The following KCNH8 variants were observed in gnomAD, a reference collection of about 807,000 sequenced individuals.
KCNH8 encodes voltage-gated delayed rectifier potassium channel KCNH8.
A neutral mutation model predicts 103.6 loss-of-function variants in KCNH8; 70 were observed. The ratio of observed to expected loss-of-function variants is 0.68; its 90% CI spans 0.56 to 0.82. The LOEUF (loss-of-function observed/expected upper bound fraction) is 0.82. KCNH8 is among the 40% of genes least tolerant of loss of function. The pLI is 0.00. For synonymous variants in KCNH8, 498 were observed against 489.4 expected (o/e 1.02, Z -0.23); for missense variants, 1,217 against 1,329.9 (o/e 0.92, Z 1.32).
rs138035351 is a variant in KCNH8, at chr3:19,365,831, G to A, written c.811+17866G>A. Reference sequence around the variant, plus strand: ...AGGAATGGGCTGCAATTTTAAATCAGTGGCCACGCAAAGTATAATTGAGAA... The same window carrying A: ...AGGAATGGGCTGCAATTTTAAATCAATGGCCACGCAAAGTATAATTGAGAA... On this transcript the variant is annotated intron_variant, in intron 5 of 15. Transcript: ENST00000328405. 1.1e-4 allele frequency among the ~76,000 whole-genome samples: 17 copies of A among 152,186 alleles called. 1 individual carries two copies. In the East Asian group the frequency reaches 3.3e-3, roughly 29 times the overall value.
intron 5 of KCNH8, among the ~76,000 whole-genome samples, chr3:19,361,040 G>GA (rs2065940422): frequency 1.3e-5 from 2 of 152,016 alleles, no homozygotes; most frequent in African/African-American, 4.8e-5. Flanking sequence ...TATGAAAATA[G>GA]AAAAAATGAG....
chr3:19,383,380 AT>A (rs60188168), intron 5 of KCNH8, among the ~76,000 whole-genome samples: 105 of 146,796 alleles, frequency 7.2e-4, no homozygotes, highest in African/African-American at 1.1e-3. Flanking sequence ...GTGTTCGTTA[AT>A]TTTTTTTTTT....
chr3:19,523,759 C>T lies in KCNH8; in HGVS notation c.2619+5685C>T, dbSNP rs897434726. Among the ~76,000 whole-genome samples the T allele has an allele frequency of 4.0e-5, 6 of 151,868 alleles. No individual in the cohort carries two copies. The East Asian group carries it at 7.7e-4, about 20-fold the overall frequency. The stretch of plus-strand genomic sequence containing the variant: ...AAATAGAAAACTGGATACTGGCAAA[C>T]GCTAATAATATCTACCATAGCACCT... On this transcript the variant is annotated intron_variant, in intron 15 of 15. Coordinates refer to ENST00000328405, the MANE Select transcript of KCNH8 (RefSeq NM_144633.3).
intron 3 of KCNH8, among the ~76,000 whole-genome samples, chr3:19,319,857 T>C (rs1311164928): frequency 6.6e-6 from 1 of 152,078 alleles, no homozygotes; most frequent in Non-Finnish European, 1.5e-5. Flanking sequence ...TTTTGTAGTT[T>C]TTCTTGTAGA....
At position 19,347,224 on chromosome 3, in the gene KCNH8, C is replaced by G. The variant is rs149800980; in HGVS notation, c.571-501C>G. Among the ~76,000 whole-genome samples, 42 of 152,136 alleles carry G rather than the reference C, an allele frequency of 2.8e-4. No individual in the cohort carries two copies. The East Asian group carries it at 7.4e-3, about 27-fold the overall frequency. On this transcript the variant is annotated intron_variant, in intron 4 of 15. Coordinates refer to ENST00000328405, the MANE Select transcript of KCNH8 (RefSeq NM_144633.3). ...GGCTATATTTGGAAAGAAATGTAAA[C>G]TGTTTACAATATAATATTGGTCATA...
intron 5 of KCNH8, among the ~76,000 whole-genome samples, chr3:19,360,294 T>C (rs1044166154): frequency 1.3e-5 from 2 of 151,990 alleles, no homozygotes; most frequent in East Asian, 1.9e-4. Flanking sequence ...CACCGAATAG[T>C]AGAGTATAAA....
At chr3:19,324,508 G>A (rs921698759) in intron 3 of KCNH8, among the ~76,000 whole-genome samples, 1 of 152,118 alleles carries the variant, frequency 6.6e-6, no homozygotes, top group South Asian at 2.1e-4. Flanking sequence ...AACATGTGGG[G>A]ATTATATGAA....
At position 19,257,689 on chromosome 3, in the gene KCNH8, G is replaced by T. The variant is rs138132333; in HGVS notation, c.310+3802G>T. Among the ~76,000 whole-genome samples, 14 of 152,130 alleles carry T rather than the reference G, an allele frequency of 9.2e-5. No individual in the cohort carries two copies. The East Asian group carries it at 1.5e-3, about 17-fold the overall frequency. On this transcript the variant is annotated intron_variant, in intron 2 of 15. Coordinates refer to ENST00000328405, the MANE Select transcript of KCNH8 (RefSeq NM_144633.3). ...TGGAAAGAAAAACGTAGAGAACAAA[G>T]ATTTAAGGTTGTTCTTAGAATAATA...
chr3:19,214,191 T>C (rs1212046442), intron 1 of KCNH8, among the ~76,000 whole-genome samples: 2 of 152,204 alleles, frequency 1.3e-5, no homozygotes, highest in African/African-American at 2.4e-5. Flanking sequence ...TTTCTCTAAG[T>C]TTGCCCTTCC....
intron 7 of KCNH8, among the ~76,000 whole-genome samples, chr3:19,429,306 T>C (rs1021928605): frequency 1.3e-5 from 2 of 151,768 alleles, no homozygotes; most frequent in Non-Finnish European, 2.9e-5. Flanking sequence ...CCGGAGTAGC[T>C]GGGACTACAG....
chr3:19,352,187 C>A lies in KCNH8; in HGVS notation c.811+4222C>A, dbSNP rs185257457. On this transcript the variant is annotated intron_variant, in intron 5 of 15. Coordinates refer to ENST00000328405, the MANE Select transcript of KCNH8 (RefSeq NM_144633.3). ...CAATTCAACAAGAAGAGCTAATTATCCTAAACATATATGCACACAATACAT... is the reference window on the plus strand; with the variant it reads ...CAATTCAACAAGAAGAGCTAATTATACTAAACATATATGCACACAATACAT... Among the ~76,000 whole-genome samples the A allele has an allele frequency of 3.9e-5, 6 of 152,254 alleles. No homozygotes were observed. The East Asian group carries it at 1.2e-3, about 29-fold the overall frequency.
chr3:19,318,004 C>T (rs955714105), intron 3 of KCNH8, among the ~76,000 whole-genome samples: 4 of 151,768 alleles, frequency 2.6e-5, no homozygotes, highest in East Asian at 3.9e-4. Flanking sequence ...AGAAATAAAG[C>T]GTATTCAAAT....
chr3:19,431,887 C>G (rs1413054015), intron 7 of KCNH8, among the ~76,000 whole-genome samples: 1 of 152,008 alleles, frequency 6.6e-6, no homozygotes, highest in East Asian at 1.9e-4. Flanking sequence ...TGAATCTTCT[C>G]TCTTTTCTTC....
chr3:19,339,700 G>A (rs756425094), intron 3 of KCNH8, among the ~76,000 whole-genome samples: 12 of 152,108 alleles, frequency 7.9e-5, no homozygotes, highest in Non-Finnish European at 1.2e-4. Context: ...CAAGTATGTA[G>A]CAAAGGTGAA....
intron 11 of KCNH8, among the ~76,000 whole-genome samples, chr3:19,485,523 A>G (rs1017952347): frequency 6.6e-6 from 1 of 152,226 alleles, no homozygotes; most frequent in Non-Finnish European, 1.5e-5. Context: ...TTAGATGAGT[A>G]GTTTTGTGCA....
intron 11 of KCNH8, among the ~76,000 whole-genome samples, chr3:19,473,279 A>G (rs1202615624): frequency 6.6e-6 from 1 of 152,158 alleles, no homozygotes; most frequent in African/African-American, 2.4e-5. Flanking sequence ...CTTTAACTTA[A>G]TTCTATTGCT....
chr3:19,442,249 AT>A (rs2067294806), intron 8 of KCNH8, among the ~76,000 whole-genome samples: 2 of 152,218 alleles, frequency 1.3e-5, no homozygotes, highest in African/African-American at 2.4e-5. Context: ...GTGATATCCC[AT>A]ATTTCAGCCA....
chr3:19,275,624 C>G (rs141131256), intron 2 of KCNH8, among the ~76,000 whole-genome samples: 1 of 152,068 alleles, frequency 6.6e-6, no homozygotes, highest in South Asian at 2.1e-4. Context: ...TCTAAAGAAC[C>G]ATTACTTTCA....
intron 3 of KCNH8, among the ~76,000 whole-genome samples, chr3:19,284,740 A>T (rs936475511): frequency 2.0e-5 from 3 of 151,976 alleles, no homozygotes; most frequent in Admixed American, 6.6e-5. Context: ...GGCCCTGTTT[A>T]TATCTTTCGG....
Sources: allele counts gnomAD v4.1 joint callset (sites outside exome capture counted in the v4.1 genomes callset), GRCh38; gene constraint gnomAD v4.1.1; transcripts MANE v1.5; gene names NCBI Gene and HGNC (gene_info 2026-07-23, HGNC 2026-07-21).